The following DLEU7 variants were observed in gnomAD, a reference collection of about 807,000 sequenced individuals.
DLEU7 encodes deleted in lymphocytic leukemia 7.
DLEU7 carries 17 observed loss-of-function variants against 16.0 expected under a neutral mutation model. That is an observed-to-expected ratio of 1.06 (90% confidence interval 0.73 to 1.59). DLEU7 has a LOEUF of 1.59. DLEU7 is among the 40% of genes most tolerant of loss of function. DLEU7 has a pLI of 0.00. For synonymous variants in DLEU7, 113 were observed against 139.8 expected (o/e 0.81, Z 1.35); for missense variants, 308 against 314.9 (o/e 0.98, Z 0.17).
chr13:50,794,068 T>C (rs746923027), intron 1 of DLEU7, among the ~76,000 whole-genome samples: 1 of 152,228 alleles, frequency 6.6e-6, no homozygotes, highest in Non-Finnish European at 1.5e-5. Flanking sequence ...CTTCTGCATA[T>C]GGATAGACAT....
chr13:50,762,189 CAAAAAAAAA>C (rs71085045), intron 1 of DLEU7, among the ~76,000 whole-genome samples: 1 of 84,294 alleles, frequency 1.2e-5, no homozygotes, highest in Non-Finnish European at 2.3e-5. Flanking sequence ...AGACTCGTCT[CAAAAAAAAA>C]AAAAAAAAAA....
chr13:50,819,223 G>T (rs1876823581), downstream of DLEU7, among the ~76,000 whole-genome samples: 1 of 152,122 alleles, frequency 6.6e-6, no homozygotes, highest in African/African-American at 2.4e-5. Context: ...AGACCTCCTT[G>T]AAATAGATGA....
At chr13:50,778,869 A>G (rs1481531261) in intron 1 of DLEU7, among the ~76,000 whole-genome samples, 1 of 152,270 alleles carries the variant, frequency 6.6e-6, no homozygotes. Flanking sequence ...TTATGTGTTT[A>G]ATAAGTTAGC....
chr13:50,774,186 G>A (rs1875419547), intron 1 of DLEU7, among the ~76,000 whole-genome samples: 1 of 152,104 alleles, frequency 6.6e-6, no homozygotes, highest in African/African-American at 2.4e-5. Context: ...GCTTCCCTTG[G>A]CTAGGAAAGG....
At chr13:50,721,127 C>T (rs1003177356) in intron 1 of DLEU7, among the ~76,000 whole-genome samples, 4 of 152,178 alleles carry the variant, frequency 2.6e-5, no homozygotes, top group Non-Finnish European at 4.4e-5. Context: ...TGGGAGAAGC[C>T]GACTTGCTGA....
At chr13:50,723,120 G>A (rs1320390971) in intron 1 of DLEU7, 3 of 152,024 alleles carry the variant, frequency 2.0e-5, no homozygotes, top group African/African-American at 7.3e-5. Flanking sequence ...AAATTTTATT[G>A]CATATATCTG....
At chr13:50,808,936 G>A (rs1876480183) in intron 1 of DLEU7, among the ~76,000 whole-genome samples, 1 of 151,854 alleles carries the variant, frequency 6.6e-6, no homozygotes, top group Non-Finnish European at 1.5e-5. Context: ...GCCACAGAGA[G>A]AAACAACTAT....
chr13:50,713,078 C>A, exon 2 of DLEU7: 1 of 931,638 alleles, frequency 1.1e-6, no homozygotes, highest in Non-Finnish European at 1.7e-6. Flanking sequence ...GAGACCAATA[C>A]GAAGGCAATG....
chr13:50,749,950 C>T (rs530177140), intron 1 of DLEU7, among the ~76,000 whole-genome samples: 12 of 152,230 alleles, frequency 7.9e-5, no homozygotes, highest in African/African-American at 2.6e-4. Flanking sequence ...TAAGTCCCAA[C>T]TATTTATCTT....
At chr13:50,730,610 T>C (rs969985338) in intron 1 of DLEU7, among the ~76,000 whole-genome samples, 4 of 152,082 alleles carry the variant, frequency 2.6e-5, no homozygotes, top group Admixed American at 2.6e-4. Context: ...AAAAATACTT[T>C]CCAGGGAATC....
chr13:50,712,976 A>G, exon 2 of DLEU7: 1 of 501,638 alleles, frequency 2.0e-6, no homozygotes. Flanking sequence ...GATTACTTGG[A>G]GGTGAGAGAG....
chr13:50,743,008 G>T (rs954013357), intron 1 of DLEU7, among the ~76,000 whole-genome samples: 2 of 152,108 alleles, frequency 1.3e-5, no homozygotes, highest in African/African-American at 4.8e-5. Flanking sequence ...CTTCCTAAAA[G>T]GTGGCAAAAA....
intron 1 of DLEU7, among the ~76,000 whole-genome samples, chr13:50,842,079 G>C (rs191008726): frequency 2.6e-5 from 4 of 151,964 alleles, no homozygotes; most frequent in Non-Finnish European, 1.5e-5. Context: ...GACAACCCCC[G>C]ACAACAAAGA....
At chr13:50,757,004 G>A (rs9596342) in intron 1 of DLEU7, among the ~76,000 whole-genome samples, 3 of 152,152 alleles carry the variant, frequency 2.0e-5, no homozygotes, top group Non-Finnish European at 4.4e-5. Context: ...CTCCAGTGAG[G>A]GTGTGTGTTC....
intron 1 of DLEU7, among the ~76,000 whole-genome samples, chr13:50,800,790 A>T (rs1285250220): frequency 6.6e-6 from 1 of 152,164 alleles, no homozygotes; most frequent in Non-Finnish European, 1.5e-5. Flanking sequence ...CTTAGGGAGA[A>T]GAGAGAGGCG....
At chr13:50,756,019 C>G (rs1455299759) in intron 1 of DLEU7, among the ~76,000 whole-genome samples, 2 of 152,166 alleles carry the variant, frequency 1.3e-5, no homozygotes, top group African/African-American at 4.8e-5. Flanking sequence ...CTCCCCACCT[C>G]CAGGCTGGTA....
At chr13:50,810,609 T>A (rs1461123580) in intron 1 of DLEU7, among the ~76,000 whole-genome samples, 6 of 152,108 alleles carry the variant, frequency 3.9e-5, no homozygotes, top group Non-Finnish European at 5.9e-5. Flanking sequence ...AATCACCGCA[T>A]TAGGGGAAAG....
At chr13:50,758,486 A>T (rs2137742320) in intron 1 of DLEU7, among the ~76,000 whole-genome samples, 1 of 152,332 alleles carries the variant, frequency 6.6e-6, no homozygotes, top group East Asian at 1.9e-4. Flanking sequence ...TGAGTCAGGA[A>T]TCCCAGTATT....
chr13:50,713,354 T>A, intron 1 of DLEU7: 2 of 1,276,536 alleles, frequency 1.6e-6, no homozygotes, highest in Non-Finnish European at 2.2e-6. Context: ...CATTAGGTAC[T>A]GGAGATATGG....
Sources: gnomAD v4.1 joint callset for allele counts (sites outside exome capture counted in the v4.1 genomes callset) on GRCh38, gnomAD v4.1.1 for gene constraint, MANE v1.5 for transcripts, NCBI Gene and HGNC (gene_info 2026-07-23, HGNC 2026-07-21) for gene names.